LRRC7: variants seen among roughly 807,000 people sequenced by gnomAD.
LRRC7 encodes the protein leucine rich repeat containing 7.
LRRC7 carries 23 observed loss-of-function variants against 175.7 expected under a neutral mutation model. That is an observed-to-expected ratio of 0.13 (90% CI 0.09 to 0.19). The LOEUF (loss-of-function observed/expected upper bound fraction) is 0.19. LRRC7 is among the 10% of genes least tolerant of loss of function. The pLI, the probability that LRRC7 is intolerant of heterozygous loss-of-function variation, is 1.00. For missense variants in LRRC7, 1,354 were observed against 1,904.7 expected (o/e 0.71, Z 5.38); for synonymous variants, 685 against 680.9 (o/e 1.01, Z -0.09).
At chr1:69,863,083 A>G (rs536684256) in intron 7 of LRRC7, among the ~76,000 whole-genome samples, 49 of 152,286 alleles carry the variant, frequency 3.2e-4, no homozygotes, top group Middle Eastern at 3.4e-3. Flanking sequence ...TTTAGATCCT[A>G]TGAATCATCT....
intron 2 of LRRC7, among the ~76,000 whole-genome samples, chr1:69,681,049 G>A (rs748986182): frequency 9.2e-5 from 14 of 152,040 alleles, no homozygotes; most frequent in Non-Finnish European, 1.0e-4. Context: ...GAATGCAAAT[G>A]CACACATATT....
chr1:70,065,176 T>G (rs1042420792), intron 23 of LRRC7, among the ~76,000 whole-genome samples: 34 of 151,992 alleles, frequency 2.2e-4, no homozygotes, highest in African/African-American at 7.7e-4. Flanking sequence ...GCATAGGTGA[T>G]ACACTAAACT....
intron 3 of LRRC7, among the ~76,000 whole-genome samples, chr1:69,778,053 G>A (rs1030692908): frequency 6.6e-6 from 1 of 152,140 alleles, no homozygotes; most frequent in Non-Finnish European, 1.5e-5. Flanking sequence ...GCTCTCTTAG[G>A]AAGTGTTCCT....
intron 23 of LRRC7, among the ~76,000 whole-genome samples, chr1:70,069,750 A>G (rs538151139): frequency 6.6e-6 from 1 of 152,258 alleles, no homozygotes; most frequent in East Asian, 1.9e-4. Flanking sequence ...GAACTTTTGT[A>G]TAGTCCCACA....
intron 1 of LRRC7, among the ~76,000 whole-genome samples, chr1:69,617,569 A>AAAAAAAAAAAAAAAAAAG (rs1649854907): frequency 6.6e-6 from 1 of 150,622 alleles, no homozygotes; most frequent in Non-Finnish European, 1.5e-5. Context: ...AAAAAAAAAA[A>AAAAAAAAAAAAAAAAAAG]AAATCAGAAC....
chr1:69,944,018 T>G (rs1028813715), intron 8 of LRRC7, among the ~76,000 whole-genome samples: 2 of 151,372 alleles, frequency 1.3e-5, no homozygotes, highest in African/African-American at 2.4e-5. Flanking sequence ...CTCAAATTTT[T>G]CAATAGCCAT....
At chr1:69,653,858 G>A (rs540728248) in intron 1 of LRRC7, among the ~76,000 whole-genome samples, 18 of 152,116 alleles carry the variant, frequency 1.2e-4, no homozygotes, top group Non-Finnish European at 1.6e-4. Flanking sequence ...TAAGCTAATC[G>A]CAGAAGGACA....
Position 69,568,541 on chromosome 1 carries a change from G to C in LRRC7, c.-99G>C. ...CCTCTTCTCCTCCGAAGACCCTGGC[G>C]CCCACTCCACTGCGGACCCCTGAAC... is the stretch of plus-strand genomic sequence containing the variant. On this transcript the variant is annotated 5_prime_UTR_variant, in exon 1 of 27. Coordinates refer to ENST00000651989, the MANE Select transcript of LRRC7 (RefSeq NM_001370785.2). The C allele has an allele frequency of 2.5e-6, 3 of 1,176,838 alleles. No homozygotes were observed. The highest frequency in any genetic ancestry group is 3.4e-6 in the Non-Finnish European group (3 of 877,990). 72.9% of individuals were successfully genotyped at this position (1,176,838 alleles called of 1,614,324 possible).
intron 8 of LRRC7, among the ~76,000 whole-genome samples, chr1:69,947,145 A>C (rs1167531705): frequency 1.3e-5 from 2 of 151,100 alleles, no homozygotes; most frequent in African/African-American, 4.9e-5. Flanking sequence ...ATAAATAAAT[A>C]AATAAATCTA....
chr1:69,677,760 C>T (rs1333200471), intron 1 of LRRC7, among the ~76,000 whole-genome samples: 1 of 151,848 alleles, frequency 6.6e-6, no homozygotes, highest in Non-Finnish European at 1.5e-5. Context: ...TTATTTTATT[C>T]AGCTTGGGCT....
At chr1:69,869,423 A>T (rs183566725) in intron 7 of LRRC7, among the ~76,000 whole-genome samples, 109 of 152,214 alleles carry the variant, frequency 7.2e-4, no homozygotes, top group Non-Finnish European at 1.3e-3. Flanking sequence ...AAAAAAATCC[A>T]AAGTAAGAAG....
chr1:70,020,118 G>A (rs1017746233), intron 15 of LRRC7, among the ~76,000 whole-genome samples: 32 of 151,744 alleles, frequency 2.1e-4, no homozygotes, highest in African/African-American at 7.0e-4. Context: ...AAGTTTCCTC[G>A]AACTTAAATT....
chr1:69,872,285 G>C lies in LRRC7; in HGVS notation c.647+34002G>C, dbSNP rs552302581. Among the ~76,000 whole-genome samples, 6 of 152,058 alleles carry C rather than the reference G, an allele frequency of 3.9e-5. No individual in the cohort carries two copies. The South Asian group carries it at 1.0e-3, about 26-fold the overall frequency. ...TAAGTTATTAATTGAAATGTGATTG[G>C]TGGCTTTTCTGGAAGAAATGGGGAG... On this transcript the variant is annotated intron_variant, in intron 7 of 26. Coordinates refer to ENST00000651989, the MANE Select transcript of LRRC7 (RefSeq NM_001370785.2).
intron 11 of LRRC7, 109 bp from the exon 12 acceptor site, chr1:70,011,688 G>A (rs1656521336): frequency 2.9e-6 from 2 of 681,618 alleles, no homozygotes; most frequent in Non-Finnish European, 5.1e-6. Context: ...ATATTATGTT[G>A]TTACCGCATG....
rs1666890212 is a variant in LRRC7, at chr1:70,136,725, T to C, written c.*14838T>C. 6.6e-5 allele frequency among the ~76,000 whole-genome samples: 9 copies of C among 136,632 alleles called. No homozygotes were observed. The highest frequency in any genetic ancestry group is 1.4e-4 in the Admixed American group (2 of 13,850). The allele number at this position is 136,632 out of a possible 152,430, so 89.6% of individuals were successfully genotyped here. A position where few individuals can be genotyped will look rare whatever the true frequency, so the allele number is the denominator to read the frequency against. ...GCTTTATTGCTTTTTTAATGCCTTT[T>C]TTTTTTTTTTTTTTTTTTTTCTGAG... On this transcript the variant is annotated 3_prime_UTR_variant, in exon 27 of 27. Transcript: ENST00000651989.
chr1:69,920,832 G>GC (rs891176826), intron 7 of LRRC7, among the ~76,000 whole-genome samples: 2 of 152,092 alleles, frequency 1.3e-5, no homozygotes, highest in African/African-American at 4.8e-5. Flanking sequence ...CTTCATCTGG[G>GC]CCCCCAATAC....
intron 22 of LRRC7, among the ~76,000 whole-genome samples, chr1:70,044,426 A>G (rs1660171078): frequency 1.3e-5 from 2 of 151,642 alleles, no homozygotes; most frequent in Admixed American, 1.3e-4. Flanking sequence ...GTTTATATAT[A>G]TGTTTTTTAC....
At chr1:69,908,949 T>C (rs1334325259) in intron 7 of LRRC7, among the ~76,000 whole-genome samples, 3 of 151,994 alleles carry the variant, frequency 2.0e-5, no homozygotes, top group African/African-American at 4.8e-5. Context: ...TGAGTCTGGG[T>C]GCTCCTGTAT....
chr1:69,955,515 G>T (rs1650399530), intron 8 of LRRC7, among the ~76,000 whole-genome samples: 5 of 151,956 alleles, frequency 3.3e-5, no homozygotes, highest in Admixed American at 3.3e-4. Context: ...GAATGGAAAG[G>T]CAGGTGGCTA....
Sources: allele counts gnomAD v4.1 joint callset (sites outside exome capture counted in the v4.1 genomes callset), GRCh38; gene constraint gnomAD v4.1.1; transcripts MANE v1.5; gene names NCBI Gene and HGNC (gene_info 2026-07-23, HGNC 2026-07-21).